NEGR1: variants seen among roughly 807,000 people sequenced by gnomAD.
NEGR1 encodes IgLON family member 4.
NEGR1 carries 10 observed loss-of-function variants against 40.9 expected under a neutral mutation model. The observed-to-expected ratio is 0.24, with a 90% CI of 0.15 to 0.42. The LOEUF is 0.42. Among genes scored for constraint, NEGR1 ranks in the 10% least tolerant of loss-of-function variants. The probability of loss-of-function intolerance (pLI) is 1.00; values close to 1 mark genes in which losing one functional copy is unlikely to be tolerated. For missense variants in NEGR1, 352 were observed against 438.9 expected, an observed-to-expected ratio of 0.80 and a Z score of 1.77; for synonymous variants, 185 against 166.8, an observed-to-expected ratio of 1.11 and a Z score of -0.84.
chr1:72,275,067 T>C (rs1655993381), intron 1 of NEGR1: 1 of 1,231,178 alleles, frequency 8.1e-7, no homozygotes, highest in East Asian at 2.3e-5. Context: ...AGCAGAAATT[T>C]GTTAGCACCA....
intron 4 of NEGR1, among the ~76,000 whole-genome samples, chr1:71,651,673 T>C (rs1251065693): frequency 6.6e-6 from 1 of 152,168 alleles, no homozygotes; most frequent in African/African-American, 2.4e-5. Flanking sequence ...GCATTTATCA[T>C]ATTCTATCCT....
chr1:71,750,245 G>A (rs192759442), intron 3 of NEGR1, among the ~76,000 whole-genome samples: 1,686 of 151,662 alleles, frequency 0.011, 9 homozygotes, highest in Non-Finnish European at 0.016. Flanking sequence ...CACCCGCCTC[G>A]GCCTCCCAAA....
intron 6 of NEGR1, among the ~76,000 whole-genome samples, chr1:71,521,532 T>C (rs1384163007): frequency 6.6e-6 from 1 of 152,028 alleles, no homozygotes. Flanking sequence ...CACACTCTAC[T>C]ATATTTCTTG....
intron 1 of NEGR1, among the ~76,000 whole-genome samples, chr1:72,278,456 C>T (rs547625502): frequency 3.9e-5 from 6 of 152,074 alleles, no homozygotes; most frequent in African/African-American, 1.4e-4. Flanking sequence ...GTATTGTTTC[C>T]AAGGGGTATT....
chr1:72,205,596 G>C (rs1653365205), intron 1 of NEGR1, among the ~76,000 whole-genome samples: 1 of 148,768 alleles, frequency 6.7e-6, no homozygotes, highest in Admixed American at 6.7e-5. Context: ...AGGTTTAACA[G>C]GTAATAGATA....
chr1:72,109,583 T>C (rs1238637277), intron 1 of NEGR1, among the ~76,000 whole-genome samples: 2 of 151,712 alleles, frequency 1.3e-5, no homozygotes, highest in Non-Finnish European at 3.0e-5. Context: ...AGTATGAACA[T>C]ATATTATTAT....
chr1:72,121,507 A>C (rs951572071), intron 1 of NEGR1, among the ~76,000 whole-genome samples: 2 of 152,080 alleles, frequency 1.3e-5, no homozygotes, highest in Non-Finnish European at 2.9e-5. Context: ...TAAGAAGTAA[A>C]TGTCTCGGGA....
chr1:72,111,482 C>T (rs1031665100), intron 1 of NEGR1, among the ~76,000 whole-genome samples: 1 of 151,612 alleles, frequency 6.6e-6, no homozygotes, highest in South Asian at 2.1e-4. Flanking sequence ...ATTATACCAA[C>T]ATGCATAAAG....
intron 1 of NEGR1, among the ~76,000 whole-genome samples, chr1:72,110,339 T>C (rs1042829478): frequency 7.9e-5 from 12 of 151,202 alleles, no homozygotes; most frequent in African/African-American, 2.9e-4. Context: ...CTGTTGGGAA[T>C]AATTCTTTTA....
chr1:71,487,070 G>T (rs1390662736), intron 6 of NEGR1: 1 of 151,446 alleles, frequency 6.6e-6, no homozygotes, highest in Non-Finnish European at 1.5e-5. Context: ...ACAATACATA[G>T]AAGATTTTTT....
chr1:71,642,425 T>G, intron 4 of NEGR1, among the ~76,000 whole-genome samples: 1 of 144,936 alleles, frequency 6.9e-6, no homozygotes, highest in African/African-American at 2.6e-5. Flanking sequence ...AAAGGAAGAG[T>G]GGGAGAGAGA....
intron 2 of NEGR1, among the ~76,000 whole-genome samples, chr1:71,800,860 C>T (rs549535350): frequency 6.6e-5 from 10 of 152,232 alleles, no homozygotes; most frequent in Non-Finnish European, 1.5e-4. Context: ...AAAAAATAAA[C>T]AGAAACAGAA....
chr1:72,193,385 T>A (rs558740390), intron 1 of NEGR1, among the ~76,000 whole-genome samples: 2 of 151,918 alleles, frequency 1.3e-5, no homozygotes, highest in African/African-American at 4.8e-5. Flanking sequence ...GAATATCTCT[T>A]TAATATAATT....
At chr1:72,026,110 C>CAAAAAAAAAAAAAA (rs1172589239) in intron 1 of NEGR1, among the ~76,000 whole-genome samples, 6 of 31,144 alleles carry the variant, frequency 1.9e-4, no homozygotes, top group Admixed American at 5.4e-4. Flanking sequence ...GACTCCGTCT[C>CAAAAAAAAAAAAAA]AAAAAAAAAA....
At chr1:71,963,083 C>A (rs1290708687) in intron 1 of NEGR1, among the ~76,000 whole-genome samples, 1 of 150,386 alleles carries the variant, frequency 6.6e-6, no homozygotes, top group African/African-American at 2.4e-5. Context: ...TTTTCTGTAT[C>A]GATATCTATT....
At chr1:71,408,770 T>C (rs1293701561) in intron 6 of NEGR1, 1 of 152,044 alleles carries the variant, frequency 6.6e-6, no homozygotes, top group African/African-American at 2.4e-5. Context: ...AATTGAATAA[T>C]GTAGTAAAGA....
intron 2 of NEGR1, among the ~76,000 whole-genome samples, chr1:71,826,486 C>G (rs1337815467): frequency 6.6e-6 from 1 of 151,796 alleles, no homozygotes; most frequent in South Asian, 2.1e-4. Flanking sequence ...CTGCTGCTTC[C>G]CACTTAAGTG....
chr1:71,739,910 T>C (rs977999088), intron 3 of NEGR1, among the ~76,000 whole-genome samples: 3 of 152,204 alleles, frequency 2.0e-5, no homozygotes, highest in African/African-American at 7.2e-5. Context: ...ATCTCTACCA[T>C]GTACCTTAAG....
chr1:71,854,816 C>A (rs1448686962), intron 2 of NEGR1, among the ~76,000 whole-genome samples: 3 of 152,102 alleles, frequency 2.0e-5, no homozygotes, highest in Admixed American at 6.6e-5. Context: ...ATGGGGGTAA[C>A]CGTCCCCATG....
Sources: gnomAD v4.1 joint callset for allele counts (sites outside exome capture counted in the v4.1 genomes callset) on GRCh38, gnomAD v4.1.1 for gene constraint, MANE v1.5 for transcripts, NCBI Gene and HGNC (gene_info 2026-07-23, HGNC 2026-07-21) for gene names.